Variants in IKZF3 observed in about 807,000 individuals in gnomAD.
IKZF3 encodes the protein zinc finger protein Aiolos.
Under a neutral mutation model 49.0 loss-of-function variants are expected in IKZF3, and 10 were observed. The observed-to-expected ratio is 0.20, with a 90% CI of 0.13 to 0.35. The LOEUF (loss-of-function observed/expected upper bound fraction) is 0.35, where lower values mean the gene tolerates loss of function less well. IKZF3 is among the 10% of genes least tolerant of loss of function. IKZF3 has a pLI of 1.00. For missense variants in IKZF3, 498 were observed against 664.8 expected, an observed-to-expected ratio of 0.75 and a Z score of 2.76; for synonymous variants, 209 against 228.2, an observed-to-expected ratio of 0.92 and a Z score of 0.76.
intron 3 of IKZF3, among the ~76,000 whole-genome samples, chr17:39,827,114 C>T (rs2061977986): frequency 6.6e-6 from 1 of 151,838 alleles, no homozygotes; most frequent in Admixed American, 6.6e-5. Flanking sequence ...TCTCCTGCCT[C>T]AGCCTCCCCA....
At chr17:39,768,803 T>C (rs2060362166) in intron 7 of IKZF3, among the ~76,000 whole-genome samples, 1 of 152,194 alleles carries the variant, frequency 6.6e-6, no homozygotes, top group Admixed American at 6.5e-5. Context: ...AAACTTTATA[T>C]CACTAACATA....
At chr17:39,818,374 C>T (rs1368401691) in intron 3 of IKZF3, among the ~76,000 whole-genome samples, 1 of 152,136 alleles carries the variant, frequency 6.6e-6, no homozygotes, top group Non-Finnish European at 1.5e-5. Flanking sequence ...AATTACAACA[C>T]TATACTATAA....
At chr17:39,798,899 T>G (rs1461721244) in intron 3 of IKZF3, among the ~76,000 whole-genome samples, 1 of 152,142 alleles carries the variant, frequency 6.6e-6, no homozygotes, top group African/African-American at 2.4e-5. Flanking sequence ...GCCTGCTCCT[T>G]CTTCCTGGGT....
intron 6 of IKZF3, among the ~76,000 whole-genome samples, chr17:39,786,167 T>C (rs2060870195): frequency 6.6e-6 from 1 of 152,230 alleles, no homozygotes. Flanking sequence ...TATACTAAAA[T>C]TATTGAAATG....
chr17:39,841,972 C>T (rs1363121610), intron 1 of IKZF3, among the ~76,000 whole-genome samples: 2 of 123,676 alleles, frequency 1.6e-5, no homozygotes, highest in African/African-American at 6.1e-5. Context: ...CTTGAACTCA[C>T]AAGTTCAAGG....
At chr17:39,841,348 C>T (rs146239173) in intron 1 of IKZF3, among the ~76,000 whole-genome samples, 1 of 152,170 alleles carries the variant, frequency 6.6e-6, no homozygotes, top group East Asian at 1.9e-4. Flanking sequence ...GCAGCCCCCA[C>T]TAGAGGCTAA....
In IKZF3 at chr17:39,768,012, A is replaced by G. The variant is rs2060336751; in HGVS notation, c.827-1519T>C. ...GATTGTAGTGAGCTGAGATGGCACC[A>G]CTGCACTCCAGCCTGGGTGGCAGAG... On this transcript the variant is annotated intron_variant, in intron 7 of 7. Coordinates refer to ENST00000346872, the MANE Select transcript of IKZF3 (RefSeq NM_012481.5). Among the ~76,000 whole-genome samples, 3 of 152,106 alleles carry G rather than the reference A, an allele frequency of 2.0e-5. No individual in the cohort carries two copies. In the South Asian group the frequency reaches 6.2e-4, roughly 31 times the overall value.
intron 1 of IKZF3, among the ~76,000 whole-genome samples, chr17:39,858,411 ACT>A (rs1047353568): frequency 2.6e-5 from 4 of 152,218 alleles, no homozygotes; most frequent in African/African-American, 9.6e-5. Flanking sequence ...TGCCAATTCC[ACT>A]GTTATAAAAA....
At chr17:39,854,120 C>T (rs1432804172) in intron 1 of IKZF3, among the ~76,000 whole-genome samples, 3 of 151,818 alleles carry the variant, frequency 2.0e-5, no homozygotes, top group African/African-American at 7.3e-5. Context: ...AGCAAGACTC[C>T]GTCTCAAACA....
At position 39,862,353 on chromosome 17, in the gene IKZF3, T is replaced by C. The variant is rs186685485; in HGVS notation, c.7+1767A>G. Among the ~76,000 whole-genome samples the C allele has an allele frequency of 1.7e-4, 26 of 152,146 alleles. No individual in the cohort carries two copies. The East Asian group carries it at 2.3e-3, about 14-fold the overall frequency. ...TGTGACCCCCAAATTGGGCAGAAAA[T>C]AAAGGTATTCCATGAAGTATTCTAC... On this transcript the variant is annotated intron_variant, in intron 1 of 7. Transcript: ENST00000346872.
In IKZF3 at chr17:39,789,487, T is replaced by A. The variant is rs935586163; in HGVS notation, c.593-1113A>T. On this transcript the variant is annotated intron_variant, in intron 5 of 7. Coordinates refer to ENST00000346872, the MANE Select transcript of IKZF3 (RefSeq NM_012481.5). ...CTGAGGCAGAAGAATCGCTTGAACC[T>A]GGGAGGTGGAGGTTGCAGTGGGCTG... Among the ~76,000 whole-genome samples the A allele has an allele frequency of 7.2e-4, 110 of 152,108 alleles. 3 individuals carry two copies. The highest frequency in any genetic ancestry group is 2.6e-4 in the Admixed American group (4 of 15,278).
chr17:39,843,244 T>C (rs916196327), intron 1 of IKZF3, among the ~76,000 whole-genome samples: 1 of 152,174 alleles, frequency 6.6e-6, no homozygotes, highest in Non-Finnish European at 1.5e-5. Flanking sequence ...TTGATGATTT[T>C]ATTGTGAAGG....
At chr17:39,839,802 G>T (rs2062412330) in intron 1 of IKZF3, among the ~76,000 whole-genome samples, 2 of 152,028 alleles carry the variant, frequency 1.3e-5, no homozygotes, top group South Asian at 4.1e-4. Context: ...TGGGACTACA[G>T]GTAGGTGTCA....
chr17:39,782,412 A>AACAC (rs58566623), intron 6 of IKZF3, among the ~76,000 whole-genome samples: 4 of 150,540 alleles, frequency 2.7e-5, no homozygotes, highest in African/African-American at 4.9e-5. Context: ...CAACAACAAC[A>AACAC]ACACACACAC....
At chr17:39,801,003 A>C (rs1298068778) in intron 3 of IKZF3, among the ~76,000 whole-genome samples, 1 of 152,212 alleles carries the variant, frequency 6.6e-6, no homozygotes, top group Non-Finnish European at 1.5e-5. Flanking sequence ...GGAATTTCCC[A>C]GTGGAAAAAA....
intron 6 of IKZF3, among the ~76,000 whole-genome samples, chr17:39,780,787 G>A (rs996149344): frequency 2.0e-5 from 3 of 152,080 alleles, no homozygotes; most frequent in African/African-American, 4.8e-5. Flanking sequence ...AGGAGTTCAA[G>A]TTCAGCTTGG....
intron 6 of IKZF3, among the ~76,000 whole-genome samples, chr17:39,783,756 C>T (rs1000239686): frequency 1.3e-5 from 2 of 152,112 alleles, no homozygotes; most frequent in African/African-American, 4.8e-5. Context: ...TGGTGAAACC[C>T]CGTCTCTACT....
At chr17:39,818,271 AC>A (rs1256436411) in intron 3 of IKZF3, among the ~76,000 whole-genome samples, 9 of 152,242 alleles carry the variant, frequency 5.9e-5, no homozygotes, top group African/African-American at 1.9e-4. Flanking sequence ...ACTGAATACT[AC>A]GTTTTTTCCT....
intron 3 of IKZF3, among the ~76,000 whole-genome samples, chr17:39,804,607 T>C (rs933927782): frequency 4.6e-5 from 7 of 152,158 alleles, no homozygotes; most frequent in Non-Finnish European, 8.8e-5. Flanking sequence ...CAGTATGTAG[T>C]TTCTCTTAAT....
Sources: allele counts gnomAD v4.1 joint callset (sites outside exome capture counted in the v4.1 genomes callset), GRCh38; gene constraint gnomAD v4.1.1; transcripts MANE v1.5; gene names NCBI Gene and HGNC (gene_info 2026-07-23, HGNC 2026-07-21).